Variants in SHANK2 observed in about 807,000 individuals in gnomAD.
The protein encoded by SHANK2 is SH3 and multiple ankyrin repeat domains 2.
A neutral mutation model predicts 133.7 loss-of-function variants in SHANK2; 43 were observed. The observed-to-expected ratio is 0.32, with a 90% CI of 0.25 to 0.41. SHANK2 has a LOEUF of 0.41. Ranked by LOEUF, SHANK2 falls within the 10% of genes least tolerant of loss-of-function variation. The probability of loss-of-function intolerance (pLI) is 1.00; values close to 1 mark genes in which losing one functional copy is unlikely to be tolerated. For synonymous variants in SHANK2, 1,017 were observed against 952.8 expected, an observed-to-expected ratio of 1.07 and a Z score of -1.24; for missense variants, 1,994 against 2,235.8, an observed-to-expected ratio of 0.89 and a Z score of 2.18.
intron 10 of SHANK2, among the ~76,000 whole-genome samples, chr11:70,898,994 C>T: frequency 6.6e-6 from 1 of 152,180 alleles, no homozygotes; most frequent in Non-Finnish European, 1.5e-5. Context: ...CAAATGTGTG[C>T]TACTCTTCAG....
intron 17 of SHANK2, among the ~76,000 whole-genome samples, chr11:70,543,123 A>C (rs1462375822): frequency 1.3e-5 from 2 of 152,148 alleles, no homozygotes; most frequent in Admixed American, 1.3e-4. Flanking sequence ...CTGGAACTGC[A>C]GTTTGATGGC....
At chr11:70,723,018 C>G (rs1199249477) in intron 14 of SHANK2, among the ~76,000 whole-genome samples, 1 of 152,168 alleles carries the variant, frequency 6.6e-6, no homozygotes, top group Non-Finnish European at 1.5e-5. Flanking sequence ...CATCTCCTTA[C>G]CTTTATGGGA....
At chr11:70,745,059 A>C (rs1946609658) in intron 14 of SHANK2, among the ~76,000 whole-genome samples, 1 of 152,186 alleles carries the variant, frequency 6.6e-6, no homozygotes, top group South Asian at 2.1e-4. Context: ...CTCAGCAAAA[A>C]GCCGCCCCAA....
At chr11:70,763,782 C>T (rs1175117861) in intron 14 of SHANK2, among the ~76,000 whole-genome samples, 1 of 152,116 alleles carries the variant, frequency 6.6e-6, no homozygotes, top group African/African-American at 2.4e-5. Context: ...CCCAGGGAGA[C>T]GGAGAGGCCC....
intron 2 of SHANK2, among the ~76,000 whole-genome samples, chr11:71,218,443 C>T (rs1027848932): frequency 1.4e-4 from 22 of 151,808 alleles, no homozygotes; most frequent in Non-Finnish European, 2.6e-4. Context: ...TTGTATGTTT[C>T]GTAGAGACGG....
chr11:71,072,592 C>T (rs1301209497), intron 9 of SHANK2, among the ~76,000 whole-genome samples: 1 of 152,190 alleles, frequency 6.6e-6, no homozygotes, highest in Admixed American at 6.5e-5. Flanking sequence ...TGCATCTATG[C>T]TCATAGCTGC....
rs1555158168 is a variant in SHANK2 at position 70,500,542 on chromosome 11, G to T, written c.2308+28C>A. ...TCCACAGGGGGGTGATGGGCAGGGG[G>T]CTGAGACAGACACTGGGCCTCCCTT... On this transcript the variant is annotated intron_variant, in intron 21 of 25. Coordinates refer to ENST00000601538, the MANE Select transcript of SHANK2 (RefSeq NM_012309.5). This position sits in a 1 kb window ranked among gnomAD's most constrained non-coding sequence, Gnocchi z 4.5. 3 of 1,597,382 alleles carry T rather than the reference G, an allele frequency of 1.9e-6. No homozygotes were observed. The highest frequency in any genetic ancestry group is 3.5e-5 in the Admixed American group (2 of 57,668).
At chr11:71,218,978 G>T (rs76247302) in intron 2 of SHANK2, among the ~76,000 whole-genome samples, 151 of 152,278 alleles carry the variant, frequency 9.9e-4, no homozygotes, top group African/African-American at 3.6e-3. Context: ...CCCACAGGTG[G>T]TCAGCATCCT....
chr11:70,620,325 A>G (rs910555022), intron 17 of SHANK2, among the ~76,000 whole-genome samples: 7 of 152,214 alleles, frequency 4.6e-5, no homozygotes, highest in African/African-American at 1.4e-4. Flanking sequence ...GGGCCTCATC[A>G]GAACAAAAAT....
rs569788909 is a variant in SHANK2 at position 71,113,391 on chromosome 11, G to A, written c.412-27C>T. The A allele has an allele frequency of 8.3e-5, 129 of 1,547,492 alleles. No homozygotes were observed. The African/African-American group carries it at 1.6e-3, about 19-fold the overall frequency. On this transcript the variant is annotated intron_variant, in intron 4 of 25. Transcript: ENST00000601538. ...TGGCACAGAAAACAAAAAAGAGAGA[G>A]AAAACAAGTCAATACTTCTCAGAGT...
rs548394332 is a variant in SHANK2, at chr11:70,924,585, T to C, written c.1108-28018A>G. ...GGTTCTCCTGCCTCAGCCTCCCGAG[T>C]AGCTGGGATTACAGGCACCCGTGAC... On this transcript the variant is annotated intron_variant, in intron 10 of 25. Transcript: ENST00000601538. 5.9e-5 allele frequency among the ~76,000 whole-genome samples: 9 copies of C among 152,226 alleles called. 1 individual carries two copies. Among genetic ancestry groups the C allele is most frequent in the African/African-American group, 2.2e-4 (9 of 41,534 alleles).
At chr11:70,738,356 T>C (rs116080100) in intron 14 of SHANK2, among the ~76,000 whole-genome samples, 3,673 of 152,282 alleles carry the variant, frequency 0.024, 142 homozygotes, top group African/African-American at 0.084. Flanking sequence ...ACCCCAACCA[T>C]AAACACTCAG....
intron 17 of SHANK2, among the ~76,000 whole-genome samples, chr11:70,540,842 C>CAAAAA (rs10687305): frequency 9.0e-6 from 1 of 111,124 alleles, no homozygotes; most frequent in Non-Finnish European, 1.8e-5. Context: ...GAGTAAGACT[C>CAAAAA]AAAAAAAAAA....
rs2059801918 is a variant in SHANK2, at chr11:70,554,132, C to T, written c.2062-51201G>A. ...CCTGTGCTGATAGGGGAGGAACTCC[C>T]GAGTCCAGCCCCTGTCCCCAGAAAA... On this transcript the variant is annotated intron_variant, in intron 17 of 25. Coordinates refer to ENST00000601538, the MANE Select transcript of SHANK2 (RefSeq NM_012309.5). 3.9e-5 allele frequency among the ~76,000 whole-genome samples: 6 copies of T among 152,232 alleles called. 1 individual carries two copies. The highest frequency in any genetic ancestry group is 3.3e-4 in the Admixed American group (5 of 15,284).
chr11:70,850,215 G>A lies in SHANK2; in HGVS notation c.1175-29533C>T, dbSNP rs187731589. ...CTTCAATCTTCACAACAGTGTCAGC[G>A]GTCAGTACTCAGGTGACCAGATGGG... On this transcript the variant is annotated intron_variant, in intron 11 of 25. Transcript: ENST00000601538. Among the ~76,000 whole-genome samples the A allele has an allele frequency of 8.8e-4, 134 of 152,198 alleles. 1 individual carries two copies. Among genetic ancestry groups the A allele is most frequent in the African/African-American group, 2.9e-3 (122 of 41,514 alleles).
At chr11:70,910,027 C>G (rs927340364) in intron 10 of SHANK2, among the ~76,000 whole-genome samples, 53 of 152,156 alleles carry the variant, frequency 3.5e-4, no homozygotes, top group African/African-American at 1.2e-3. Flanking sequence ...GCCGCCTTCT[C>G]TCTGTGTCCT....
intron 25 of SHANK2, among the ~76,000 whole-genome samples, chr11:70,481,223 T>C (rs561488493): frequency 6.6e-6 from 1 of 152,224 alleles, no homozygotes; most frequent in Non-Finnish European, 1.5e-5. Context: ...CTTTTAACAT[T>C]ATGTACTAAA....
At chr11:70,816,123 C>T (rs1341990679) in intron 12 of SHANK2, among the ~76,000 whole-genome samples, 2 of 152,202 alleles carry the variant, frequency 1.3e-5, no homozygotes, top group Non-Finnish European at 2.9e-5. Context: ...TAAGAGTGGC[C>T]GACGTTTCTG....
chr11:70,910,073 A>C (rs1360090133), intron 10 of SHANK2, among the ~76,000 whole-genome samples: 1 of 151,950 alleles, frequency 6.6e-6, no homozygotes, highest in African/African-American at 2.4e-5. Context: ...CTGTGTCCTC[A>C]TCTCCTCTTC....
Sources: allele counts gnomAD v4.1 joint callset (sites outside exome capture counted in the v4.1 genomes callset), GRCh38; gene constraint gnomAD v4.1.1; non-coding constraint Gnocchi (gnomAD v3.1); transcripts MANE v1.5; gene names NCBI Gene and HGNC (gene_info 2026-07-23, HGNC 2026-07-21).